The following NALF1 variants were observed in gnomAD, a reference collection of about 807,000 sequenced individuals.
NALF1 encodes family with sequence similarity 155 member A.
In NALF1, 3 loss-of-function variants were observed where a neutral mutation model predicts 48.4. The observed-to-expected ratio is 0.06, with a 90% CI of 0.03 to 0.16. The LOEUF is 0.16. Ranked by LOEUF, NALF1 falls within the 10% of genes least tolerant of loss-of-function variation. The pLI is 1.00. For missense variants in NALF1, 526 were observed against 571.5 expected (o/e 0.92, Z 0.81); for synonymous variants, 262 against 245.7 (o/e 1.07, Z -0.62).
rs143197716 is a variant in NALF1, at chr13:107,565,161, G to T, written c.915+300521C>A. ...AAAATAAGAGTGTCATACAACAAAA[G>T]ATATAGGAATTCAAAAGTTCCTGAG... is the stretch of plus-strand genomic sequence containing the variant. On this transcript the variant is annotated intron_variant, in intron 1 of 2. Transcript: ENST00000375915. Among the ~76,000 whole-genome samples, 43 of 110,728 alleles carry T rather than the reference G, an allele frequency of 3.9e-4. No individual in the cohort carries two copies. The East Asian group carries it at 0.012, about 30-fold the overall frequency. 72.6% of individuals were successfully genotyped at this position (110,728 alleles called of 152,430 possible).
At chr13:107,357,747 G>T (rs1240510723) in intron 1 of NALF1, among the ~76,000 whole-genome samples, 1 of 152,156 alleles carries the variant, frequency 6.6e-6, no homozygotes, top group African/African-American at 2.4e-5. Flanking sequence ...ACATAATCTG[G>T]AGACAATGAT....
At chr13:107,504,008 C>T (rs1439247967) in intron 1 of NALF1, among the ~76,000 whole-genome samples, 1 of 151,320 alleles carries the variant, frequency 6.6e-6, no homozygotes, top group Non-Finnish European at 1.5e-5. Context: ...AATCCCAGCA[C>T]TTTGGGAGGC....
At chr13:107,360,913 C>T (rs1344870319) in intron 1 of NALF1, among the ~76,000 whole-genome samples, 1 of 152,090 alleles carries the variant, frequency 6.6e-6, no homozygotes, top group African/African-American at 2.4e-5. Context: ...ATAAAGCCTA[C>T]TATTTTTCTT....
intron 1 of NALF1, among the ~76,000 whole-genome samples, chr13:107,778,229 C>T (rs1226602569): frequency 6.6e-6 from 1 of 152,154 alleles, no homozygotes; most frequent in Non-Finnish European, 1.5e-5. Context: ...TGACAGGATT[C>T]AGAACAAAGG....
At chr13:107,225,766 A>G (rs1362271431) in intron 1 of NALF1, among the ~76,000 whole-genome samples, 1 of 152,098 alleles carries the variant, frequency 6.6e-6, no homozygotes, top group African/African-American at 2.4e-5. Context: ...CACACAAACC[A>G]AAGGAGCATC....
At chr13:107,211,455 A>G (rs1479119923) in intron 1 of NALF1, among the ~76,000 whole-genome samples, 2 of 152,228 alleles carry the variant, frequency 1.3e-5, no homozygotes, top group East Asian at 3.9e-4. Context: ...AGCCACATCA[A>G]TGTTTGCTAC....
In NALF1 at chr13:107,485,959, C is replaced by A. The variant is rs76745955; in HGVS notation, c.916-275204G>T. ...CACTCTTGAGAAAACTTGCCCAGAT[C>A]TCTAGATGAGGACAAGTTTTTCTGT... On this transcript the variant is annotated intron_variant, in intron 1 of 2. Coordinates refer to ENST00000375915, the MANE Select transcript of NALF1 (RefSeq NM_001080396.3). 4.1e-3 allele frequency among the ~76,000 whole-genome samples: 619 copies of A among 152,274 alleles called. 9 individuals carry two copies. Among genetic ancestry groups the A allele is most frequent in the African/African-American group, 0.014 (600 of 41,566 alleles).
intron 2 of NALF1, among the ~76,000 whole-genome samples, chr13:107,176,186 T>C (rs1430181653): frequency 2.0e-5 from 3 of 152,186 alleles, no homozygotes; most frequent in African/African-American, 7.2e-5. Flanking sequence ...TAATTAGCAT[T>C]AGGAAAAAAC....
intron 1 of NALF1, among the ~76,000 whole-genome samples, chr13:107,553,825 G>T (rs188534756): frequency 1.3e-5 from 2 of 152,156 alleles, no homozygotes; most frequent in African/African-American, 4.8e-5. Flanking sequence ...GAGCAATTGC[G>T]CTTCCTCCAT....
chr13:107,327,718 G>A (rs1447557133), intron 1 of NALF1, among the ~76,000 whole-genome samples: 1 of 152,034 alleles, frequency 6.6e-6, no homozygotes. Context: ...ATTTGTGGTT[G>A]CAATACCAGC....
chr13:107,802,247 C>T (rs7990930), intron 1 of NALF1, among the ~76,000 whole-genome samples: 54,938 of 151,988 alleles, frequency 0.36, 12,091 homozygotes, highest in African/African-American at 0.63. Context: ...CTTCACATTA[C>T]TATAAGTTAG....
chr13:107,857,627 C>T lies in NALF1; in HGVS notation c.915+8055G>A, dbSNP rs1311463678. On this transcript the variant is annotated intron_variant, in intron 1 of 2. Coordinates refer to ENST00000375915, the MANE Select transcript of NALF1 (RefSeq NM_001080396.3). ...TTAAAATAGAGAAAAAAATTCCAGC[C>T]TTAGGAATGAAACATTTTACTCCAA... 3.3e-5 allele frequency among the ~76,000 whole-genome samples: 5 copies of T among 152,262 alleles called. No homozygotes were observed. In the East Asian group the frequency reaches 9.6e-4, roughly 29 times the overall value.
At chr13:107,720,214 T>C (rs1875941581) in intron 1 of NALF1, among the ~76,000 whole-genome samples, 3 of 152,190 alleles carry the variant, frequency 2.0e-5, no homozygotes, top group Admixed American at 2.0e-4. Flanking sequence ...TATTCAATTT[T>C]ACAATACGCA....
chr13:107,735,072 T>C (rs1876426976), intron 1 of NALF1, among the ~76,000 whole-genome samples: 1 of 152,030 alleles, frequency 6.6e-6, no homozygotes, highest in Admixed American at 6.6e-5. Context: ...AATACAATAT[T>C]CCACCAGGAA....
chr13:107,182,589 T>A (rs1879089601), intron 2 of NALF1, among the ~76,000 whole-genome samples: 1 of 152,146 alleles, frequency 6.6e-6, no homozygotes. Context: ...CATACTTAAA[T>A]GTATATTTTT....
intron 1 of NALF1, among the ~76,000 whole-genome samples, chr13:107,568,839 G>T (rs1877895111): frequency 6.6e-6 from 1 of 152,054 alleles, no homozygotes; most frequent in African/African-American, 2.4e-5. Flanking sequence ...TAAATACAAG[G>T]TCATTGTCAG....
intron 1 of NALF1, among the ~76,000 whole-genome samples, chr13:107,638,201 A>ATATATATATATATATATATATATATATG (rs372122331): frequency 7.7e-4 from 85 of 110,794 alleles, no homozygotes; most frequent in African/African-American, 2.2e-3. Context: ...ATATATATAT[A>ATATATATATATATATATATATATATATG]TATATAATTT....
intron 1 of NALF1, among the ~76,000 whole-genome samples, chr13:107,717,890 C>T (rs562740587): frequency 9.9e-5 from 15 of 152,208 alleles, no homozygotes; most frequent in East Asian, 5.8e-4. Flanking sequence ...CTTTTTTCTT[C>T]GCCAAGTAAT....
At chr13:107,774,217 G>C (rs941455993) in intron 1 of NALF1, among the ~76,000 whole-genome samples, 1 of 152,110 alleles carries the variant, frequency 6.6e-6, no homozygotes, top group Non-Finnish European at 1.5e-5. Context: ...TTTGTATTTA[G>C]GTGCATAGGT....
Sources: allele counts gnomAD v4.1 joint callset (sites outside exome capture counted in the v4.1 genomes callset), GRCh38; gene constraint gnomAD v4.1.1; transcripts MANE v1.5; gene names NCBI Gene and HGNC (gene_info 2026-07-23, HGNC 2026-07-21).